Variants in SPAG16 observed in about 807,000 individuals in gnomAD.
SPAG16 encodes the protein sperm-associated antigen 16 protein.
In SPAG16, 86 loss-of-function variants were observed where a neutral mutation model predicts 80.4. The observed-to-expected ratio is 1.07, with a 90% CI of 0.90 to 1.28. SPAG16 has a LOEUF of 1.28. Among genes scored for constraint, SPAG16 ranks in the 50% most tolerant of loss-of-function variants. The probability of loss-of-function intolerance (pLI) is 0.00; values close to 1 mark genes in which losing one functional copy is unlikely to be tolerated. For missense variants in SPAG16, 870 were observed against 765.3 expected, an observed-to-expected ratio of 1.14 and a Z score of -1.61; for synonymous variants, 294 against 265.9, an observed-to-expected ratio of 1.11 and a Z score of -1.03.
At chr2:214,164,713 G>C (rs950877122) in intron 15 of SPAG16, among the ~76,000 whole-genome samples, 1 of 152,084 alleles carries the variant, frequency 6.6e-6, no homozygotes, top group African/African-American at 2.4e-5. Flanking sequence ...ACTTAAAAGA[G>C]AGCTAATATA....
At chr2:213,302,910 G>A (rs190429068) in intron 3 of SPAG16, among the ~76,000 whole-genome samples, 2 of 152,142 alleles carry the variant, frequency 1.3e-5, no homozygotes, top group Non-Finnish European at 2.9e-5. Flanking sequence ...GCCCATAAGT[G>A]TCTTTAGAAA....
At chr2:214,088,872 A>G (rs776786997) in intron 13 of SPAG16, among the ~76,000 whole-genome samples, 2 of 152,138 alleles carry the variant, frequency 1.3e-5, no homozygotes, top group Non-Finnish European at 2.9e-5. Flanking sequence ...TAAAGCTAGT[A>G]TAACAATGAT....
chr2:213,519,257 T>TA (rs1257686318), intron 10 of SPAG16, among the ~76,000 whole-genome samples: 7 of 152,232 alleles, frequency 4.6e-5, no homozygotes, highest in Non-Finnish European at 8.8e-5. Context: ...CCCTTACTTT[T>TA]AAAAAAGTTA....
In SPAG16 at chr2:213,370,356, A is replaced by C. The variant is rs1206025901; in HGVS notation, c.833-4654A>C. On this transcript the variant is annotated intron_variant, in intron 8 of 15. Coordinates refer to ENST00000331683, the MANE Select transcript of SPAG16 (RefSeq NM_024532.5). ...GAAAAAATATCAGAAGGTGTATACC[A>C]GGATTTTAACATAATTTTCTCTGTG... Among the ~76,000 whole-genome samples the C allele has an allele frequency of 3.3e-5, 5 of 152,204 alleles. No individual in the cohort carries two copies. The East Asian group carries it at 9.6e-4, about 29-fold the overall frequency.
At chr2:213,598,951 A>G (rs756046815) in intron 10 of SPAG16, among the ~76,000 whole-genome samples, 2 of 152,182 alleles carry the variant, frequency 1.3e-5, no homozygotes, top group African/African-American at 2.4e-5. Flanking sequence ...CAGAAAGTTG[A>G]CCTTTAAAAA....
rs1162500248 is a variant in SPAG16, at chr2:213,310,230, T to C, written c.398+53T>C. ...TCTTAAAATTCTAACATTTAACATA[T>C]ACACTTTTAAGTGTCTTAGGAGACT... is the stretch of plus-strand genomic sequence containing the variant. On this transcript the variant is annotated intron_variant, in intron 4 of 15. Coordinates refer to ENST00000331683, the MANE Select transcript of SPAG16 (RefSeq NM_024532.5). The C allele has an allele frequency of 9.3e-6, 12 of 1,289,582 alleles. No individual in the cohort carries two copies. In the African/African-American group the frequency reaches 1.3e-4, roughly 14 times the overall value. The allele number at this position is 1,289,582 out of a possible 1,614,324, so 79.9% of individuals were successfully genotyped here. A position where few individuals can be genotyped will look rare whatever the true frequency, so the allele number is the denominator to read the frequency against.
At chr2:214,268,632 G>A (rs1691765596) in intron 15 of SPAG16, among the ~76,000 whole-genome samples, 1 of 151,768 alleles carries the variant, frequency 6.6e-6, no homozygotes, top group Non-Finnish European at 1.5e-5. Flanking sequence ...GAACCAACAT[G>A]ACTGAAAATA....
chr2:214,098,199 T>C (rs1055311475), intron 13 of SPAG16, among the ~76,000 whole-genome samples: 1 of 152,082 alleles, frequency 6.6e-6, no homozygotes, highest in Non-Finnish European at 1.5e-5. Flanking sequence ...TAAAATAATG[T>C]CACAGTTTAC....
intron 10 of SPAG16, among the ~76,000 whole-genome samples, chr2:213,729,564 A>T (rs1469992111): frequency 6.6e-6 from 1 of 152,138 alleles, no homozygotes; most frequent in Non-Finnish European, 1.5e-5. Context: ...CTTGACAGTG[A>T]CCCAATGGCC....
intron 10 of SPAG16, among the ~76,000 whole-genome samples, chr2:213,705,038 G>C (rs2065676564): frequency 6.6e-6 from 1 of 152,118 alleles, no homozygotes; most frequent in African/African-American, 2.4e-5. Flanking sequence ...GGATCATGAG[G>C]TCAGGAGATC....
intron 15 of SPAG16, among the ~76,000 whole-genome samples, chr2:214,344,483 A>G (rs1451875510): frequency 6.6e-6 from 1 of 152,172 alleles, no homozygotes; most frequent in Non-Finnish European, 1.5e-5. Flanking sequence ...AATTTTTTAA[A>G]TTGAATATGA....
chr2:214,041,463 T>TTTA (rs562175964), intron 13 of SPAG16, among the ~76,000 whole-genome samples: 2 of 151,856 alleles, frequency 1.3e-5, no homozygotes, highest in South Asian at 4.2e-4. Flanking sequence ...TTTTTTTTTT[T>TTTA]TAAATCATGG....
intron 15 of SPAG16, among the ~76,000 whole-genome samples, chr2:214,173,105 G>A (rs1378314383): frequency 6.6e-6 from 1 of 152,056 alleles, no homozygotes. Context: ...AGTTTAATGA[G>A]ATCCCATTTG....
At chr2:213,920,890 C>T (rs967557644) in intron 11 of SPAG16, among the ~76,000 whole-genome samples, 1 of 152,262 alleles carries the variant, frequency 6.6e-6, no homozygotes, top group Non-Finnish European at 1.5e-5. Flanking sequence ...TACCAATTCT[C>T]TAAGCAGCTC....
chr2:214,247,866 T>G (rs1364935004), intron 15 of SPAG16, among the ~76,000 whole-genome samples: 1 of 151,824 alleles, frequency 6.6e-6, no homozygotes, highest in East Asian at 1.9e-4. Context: ...ACCCTGTCTC[T>G]ACAAAAAATA....
chr2:214,396,838 C>T (rs548076247), intron 15 of SPAG16, among the ~76,000 whole-genome samples: 1 of 151,854 alleles, frequency 6.6e-6, no homozygotes, highest in Non-Finnish European at 1.5e-5. Flanking sequence ...ACATCAAGAT[C>T]TTTTGAACAT....
chr2:214,058,836 C>T (rs1316758463), intron 13 of SPAG16, among the ~76,000 whole-genome samples: 1 of 152,018 alleles, frequency 6.6e-6, no homozygotes, highest in Non-Finnish European at 1.5e-5. Context: ...CCATTAGCTT[C>T]TGAGATTCAA....
chr2:213,517,083 C>G (rs2075454859), intron 10 of SPAG16, among the ~76,000 whole-genome samples: 1 of 152,024 alleles, frequency 6.6e-6, no homozygotes, highest in East Asian at 1.9e-4. Flanking sequence ...TTCTAAATGG[C>G]TGATAAAACT....
chr2:214,008,882 C>T (rs1309943038), intron 12 of SPAG16, among the ~76,000 whole-genome samples: 2 of 152,116 alleles, frequency 1.3e-5, no homozygotes, highest in Non-Finnish European at 2.9e-5. Context: ...TTTGCCCTTT[C>T]AGGCATAGTT....
Sources: gnomAD v4.1 joint callset for allele counts (sites outside exome capture counted in the v4.1 genomes callset) on GRCh38, gnomAD v4.1.1 for gene constraint, MANE v1.5 for transcripts, NCBI Gene and HGNC (gene_info 2026-07-23, HGNC 2026-07-21) for gene names.